ALDH1L1: variants seen among roughly 807,000 people sequenced by gnomAD.
ALDH1L1 encodes cytosolic 10-formyltetrahydrofolate dehydrogenase.
In ALDH1L1, 68 loss-of-function variants were observed where a neutral mutation model predicts 101.1. The ratio of observed to expected loss-of-function variants is 0.67; its 90% CI spans 0.55 to 0.82. ALDH1L1 has a LOEUF of 0.82. Among genes scored for constraint, ALDH1L1 ranks in the 40% least tolerant of loss-of-function variants. The pLI, the probability that ALDH1L1 is intolerant of heterozygous loss-of-function variation, is 0.00. For missense variants in ALDH1L1, 1,087 were observed against 1,172.7 expected (o/e 0.93, Z 1.07); for synonymous variants, 486 against 470.8 (o/e 1.03, Z -0.42).
intron 12 of ALDH1L1, among the ~76,000 whole-genome samples, chr3:126,134,525 G>C (rs1336915831): frequency 2.0e-5 from 3 of 152,206 alleles, no homozygotes; most frequent in African/African-American, 7.2e-5. Flanking sequence ...GCTTGCGAAG[G>C]GGACTGGAAC....
At position 126,192,388 on chromosome 3, in the gene ALDH1L1, T is replaced by C. The variant is rs367779933; in HGVS notation, c.-24+5347A>G. ...TTAGAATGATCGGTTTAGACTTTTA[T>C]AGGTACCATACTTTTAACCCTTCCT... On this transcript the variant is annotated intron_variant, in intron 1 of 2. Transcript: ENST00000509952. Among the ~76,000 whole-genome samples the C allele has an allele frequency of 2.0e-4, 31 of 152,334 alleles. No individual in the cohort carries two copies. In the South Asian group the frequency reaches 3.3e-3, roughly 16 times the overall value.
intron 12 of ALDH1L1, 168 bp downstream of exon 12, chr3:126,135,367 C>T: frequency 1.2e-6 from 1 of 832,494 alleles, no homozygotes; most frequent in Non-Finnish European, 1.7e-6. Context: ...CTTTTCTGAG[C>T]CTCAGGCAAG....
chr3:126,126,589 CA>C (rs1318469353), intron 14 of ALDH1L1, among the ~76,000 whole-genome samples: 1 of 148,176 alleles, frequency 6.7e-6, no homozygotes, highest in African/African-American at 2.5e-5. Context: ...CCCCACACCC[CA>C]CACACACCCA....
intron 4 of ALDH1L1, chr3:126,156,439 G>A (rs958261004): frequency 5.3e-5 from 8 of 152,318 alleles, no homozygotes; most frequent in Non-Finnish European, 8.8e-5. Flanking sequence ...GGGGACAGTG[G>A]ACACTGCAGC....
At position 126,105,955 on chromosome 3, in the gene ALDH1L1, G is replaced by A. The variant is rs537898479; in HGVS notation, c.2454-30C>T. The A allele has an allele frequency of 3.1e-5, 50 of 1,605,764 alleles. No individual in the cohort carries two copies. The East Asian group carries it at 8.3e-4, about 27-fold the overall frequency. Reference sequence around the variant, plus strand: ...AGAGAAAGTCCAGGAAGAACTCCCTGAGGGAGGTGCAGAGGAGAGCCTGGC... The same window carrying A: ...AGAGAAAGTCCAGGAAGAACTCCCTAAGGGAGGTGCAGAGGAGAGCCTGGC... On this transcript the variant is annotated intron_variant, in intron 21 of 22. Transcript: ENST00000393434.
chr3:126,115,697 C>T (rs1223202284), intron 17 of ALDH1L1, among the ~76,000 whole-genome samples: 1 of 152,050 alleles, frequency 6.6e-6, no homozygotes, highest in African/African-American at 2.4e-5. Flanking sequence ...ACCTCAGCCT[C>T]CCGAGTAGCT....
Position 126,105,845 on chromosome 3 carries a change from T to G in ALDH1L1, c.2534A>C (p.Lys845Thr), listed in dbSNP as rs139413481. ...GAGCTTGTCACTGACATACAGGGCC[T>G]TGTTGATGTCCCTGGTGAAGACACC... ...ASGVFTRDINKALYVSDKLQA... is the reference protein window; with the variant it reads ...ASGVFTRDINTALYVSDKLQA... The change falls in exon 22 of 23, where the codon AAG becomes ACG. Residue 845 changes from lysine to threonine, a missense_variant. Lys to Thr is a moderately conservative substitution (Grantham distance 78). Coordinates refer to ENST00000393434, the MANE Select transcript of ALDH1L1 (RefSeq NM_012190.4). The G allele has an allele frequency of 1.9e-6, 3 of 1,614,064 alleles. No homozygotes were observed. In the African/African-American group the frequency reaches 4.0e-5, roughly 22 times the overall value.
chr3:126,133,958 A>G (rs926293048), intron 12 of ALDH1L1, among the ~76,000 whole-genome samples: 2 of 152,158 alleles, frequency 1.3e-5, no homozygotes, highest in African/African-American at 4.8e-5. Context: ...TATCCTGTCT[A>G]CCAGGAGTTC....
At chr3:126,135,788 G>GA in intron 11 of ALDH1L1, 126 bp from the exon 12 acceptor site, 1 of 1,225,558 alleles carries the variant, frequency 8.2e-7, no homozygotes, top group Non-Finnish European at 1.1e-6. Context: ...AGCAGGTGTG[G>GA]AGGAGAAGCA....
Position 126,135,562 on chromosome 3 carries a change from G to C in ALDH1L1, c.1445C>G (p.Ala482Gly). Reference protein sequence around the residue: ...FENGRWGKISARDRGRLMYRL... With the variant: ...FENGRWGKISGRDRGRLMYRL... ...GTACATCAGCCGGCCCCGGTCCCGC[G>C]CACTGATCTTCCCCCACCGTCCATT... The change falls in exon 12 of 23, where the codon GCG becomes GGG. Residue 482 changes from alanine (A) to glycine (G), a missense_variant. This residue lies in a region of ALDH1L1 where 645 missense variants were observed against 637.0 expected (regional missense o/e 1.01). Transcript: ENST00000393434. The C allele has an allele frequency of 6.2e-7, 1 of 1,606,960 alleles. No individual in the cohort carries two copies. The highest frequency in any genetic ancestry group is 1.1e-5 in the South Asian group (1 of 89,740).
chr3:126,160,800 C>A lies in ALDH1L1; in HGVS notation c.127+53G>T. ...CTCCCACCTACTGCTTCCCTTCTACCTGGATGGGCGGGCCGCCCTCCATCA... is the reference window on the plus strand; with the variant it reads ...CTCCCACCTACTGCTTCCCTTCTACATGGATGGGCGGGCCGCCCTCCATCA... On this transcript the variant is annotated intron_variant, in intron 2 of 22. Transcript: ENST00000393434. 5 of 1,595,826 alleles carry A rather than the reference C, an allele frequency of 3.1e-6. No homozygotes were observed. In the South Asian group the frequency reaches 5.8e-5, roughly 18 times the overall value.
chr3:126,131,593 C>T, intron 12 of ALDH1L1, 59 bp from the exon 13 acceptor site: 1 of 1,539,406 alleles, frequency 6.5e-7, no homozygotes, highest in South Asian at 1.2e-5. Flanking sequence ...CTCATCTGCC[C>T]TCACAAGGCC....
At chr3:126,133,595 C>G (rs555257114) in intron 12 of ALDH1L1, among the ~76,000 whole-genome samples, 2 of 152,364 alleles carry the variant, frequency 1.3e-5, no homozygotes, top group African/African-American at 4.8e-5. Flanking sequence ...TCGGGAAGCT[C>G]TGAGAGGCTG....
In ALDH1L1 at chr3:126,153,960, A is replaced by G. The variant is rs143927304; in HGVS notation, c.721-379T>C. Reference sequence around the variant, plus strand: ...GCTTTGATCAGAAGATGCATTTGCTAGTACAAAGGGCTCTGCGTTGATGAG... The same window carrying G: ...GCTTTGATCAGAAGATGCATTTGCTGGTACAAAGGGCTCTGCGTTGATGAG... On this transcript the variant is annotated intron_variant, in intron 6 of 22. Coordinates refer to ENST00000393434, the MANE Select transcript of ALDH1L1 (RefSeq NM_012190.4). Among the ~76,000 whole-genome samples, 6 of 152,356 alleles carry G rather than the reference A, an allele frequency of 3.9e-5. No homozygotes were observed. The East Asian group carries it at 1.2e-3, about 29-fold the overall frequency.
chr3:126,136,717 C>T (rs1395391984), intron 11 of ALDH1L1, 47 bp downstream of exon 11: 1 of 1,551,688 alleles, frequency 6.4e-7, no homozygotes, highest in South Asian at 1.2e-5. Flanking sequence ...GAAGGAAGGA[C>T]AGGGAGGCTG....
chr3:126,157,820 A>G (rs772769443), intron 3 of ALDH1L1, among the ~76,000 whole-genome samples: 8 of 152,174 alleles, frequency 5.3e-5, no homozygotes, highest in Non-Finnish European at 7.3e-5. Flanking sequence ...AAGATCAGAG[A>G]GCCTGAATCT....
intron 21 of ALDH1L1, among the ~76,000 whole-genome samples, chr3:126,106,753 G>T (rs1360873765): frequency 6.6e-6 from 1 of 152,208 alleles, no homozygotes; most frequent in African/African-American, 2.4e-5. Flanking sequence ...GCAGAGATGG[G>T]TTTGCCTCAT....
intron 12 of ALDH1L1, 157 bp downstream of exon 12, chr3:126,135,378 G>A (rs767449843): frequency 2.1e-6 from 2 of 947,890 alleles, no homozygotes; most frequent in Admixed American, 7.3e-5. Context: ...CTCAGGCAAG[G>A]AGCCCCAGCC....
At chr3:126,158,380 C>T (rs1227522289) in intron 3 of ALDH1L1, 25 bp downstream of exon 3, 1 of 1,531,468 alleles carries the variant, frequency 6.5e-7, no homozygotes, top group African/African-American at 1.4e-5. Flanking sequence ...TGGGGATGGC[C>T]CCCTGTGTTT....
Sources: allele counts gnomAD v4.1 joint callset (sites outside exome capture counted in the v4.1 genomes callset), GRCh38; gene constraint gnomAD v4.1.1; regional missense constraint gnomAD v4.1.1; transcripts MANE v1.5; gene names NCBI Gene and HGNC (gene_info 2026-07-23, HGNC 2026-07-21).